Variants in MYT1L observed in about 807,000 individuals in gnomAD.
MYT1L encodes myelin transcription factor 1-like protein.
A neutral mutation model predicts 126.7 loss-of-function variants in MYT1L; 12 were observed. The observed-to-expected ratio is 0.09, with a 90% CI of 0.06 to 0.15. The LOEUF is 0.15. MYT1L is among the 10% of genes least tolerant of loss of function. The probability of loss-of-function intolerance (pLI) is 1.00; values close to 1 mark genes in which losing one functional copy is unlikely to be tolerated. For synonymous variants in MYT1L, 541 were observed against 604.2 expected, an observed-to-expected ratio of 0.90 and a Z score of 1.53; for missense variants, 979 against 1,585.2, an observed-to-expected ratio of 0.62 and a Z score of 6.49.
At chr2:1,909,514 T>C (rs2051583003) in intron 13 of MYT1L, among the ~76,000 whole-genome samples, 1 of 152,194 alleles carries the variant, frequency 6.6e-6, no homozygotes, top group Admixed American at 6.5e-5. Context: ...ATAGTTTTCA[T>C]GTAGATGAGG....
chr2:2,277,752 T>C (rs886281059), intron 2 of MYT1L, among the ~76,000 whole-genome samples: 3 of 151,946 alleles, frequency 2.0e-5, no homozygotes, highest in Admixed American at 6.6e-5. Context: ...ATTGTAATTA[T>C]AGAAAAAAAT....
intron 4 of MYT1L, among the ~76,000 whole-genome samples, chr2:2,051,716 A>T (rs2068848567): frequency 6.6e-5 from 10 of 152,210 alleles, no homozygotes; most frequent in Admixed American, 5.2e-4. Context: ...TTCTTATGTA[A>T]TTGCTCATTA....
rs548630993 is a variant in MYT1L at position 2,251,695 on chromosome 2, A to G, written c.-421+32709T>C. On this transcript the variant is annotated intron_variant, in intron 2 of 24. Transcript: ENST00000647738. ...CTAGTTGACAGTTGATGCAATGACA[A>G]TAGATCTATTACAGGATCTGAAAGC... 6.6e-5 allele frequency among the ~76,000 whole-genome samples: 10 copies of G among 152,310 alleles called. No individual in the cohort carries two copies. The South Asian group carries it at 8.3e-4, about 13-fold the overall frequency.
intron 19 of MYT1L, among the ~76,000 whole-genome samples, chr2:1,847,921 C>T (rs550521885): frequency 6.6e-6 from 1 of 152,220 alleles, no homozygotes; most frequent in Non-Finnish European, 1.5e-5. Flanking sequence ...CAGGTACAAC[C>T]CCACCTTCTC....
intron 3 of MYT1L, among the ~76,000 whole-genome samples, chr2:2,054,439 C>G (rs1454331799): frequency 6.6e-6 from 1 of 150,684 alleles, no homozygotes; most frequent in Non-Finnish European, 1.5e-5. Context: ...GGAGATGAAA[C>G]ACTCAGAGGT....
chr2:2,143,654 GA>G (rs2148204402), intron 3 of MYT1L, among the ~76,000 whole-genome samples: 1 of 152,254 alleles, frequency 6.6e-6, no homozygotes, highest in Non-Finnish European at 1.5e-5. Flanking sequence ...TGTTAGAGGG[GA>G]CAGAAGGCTG....
chr2:2,068,787 T>G (rs1306464582), intron 3 of MYT1L, among the ~76,000 whole-genome samples: 7 of 142,196 alleles, frequency 4.9e-5, no homozygotes, highest in East Asian at 2.0e-4. Flanking sequence ...TTTTTTTTTT[T>G]TTTTTTTTTT....
intron 3 of MYT1L, among the ~76,000 whole-genome samples, chr2:2,130,964 T>A (rs551790271): frequency 1.3e-5 from 2 of 152,230 alleles, no homozygotes; most frequent in East Asian, 3.9e-4. Context: ...ATTTCCACAT[T>A]AACAATTCTA....
chr2:1,799,394 G>A (rs1419169677), intron 23 of MYT1L, among the ~76,000 whole-genome samples: 1 of 152,174 alleles, frequency 6.6e-6, no homozygotes, highest in Non-Finnish European at 1.5e-5. Flanking sequence ...AGATCCAGGC[G>A]GCATGACCTC....
chr2:2,287,806 G>A (rs2095544464), intron 1 of MYT1L, among the ~76,000 whole-genome samples: 1 of 152,198 alleles, frequency 6.6e-6, no homozygotes, highest in Admixed American at 6.5e-5. Context: ...CAGAAGAGAA[G>A]CACTTGCCTT....
At chr2:1,863,888 C>T (rs2045078370) in intron 18 of MYT1L, among the ~76,000 whole-genome samples, 1 of 152,208 alleles carries the variant, frequency 6.6e-6, no homozygotes, top group South Asian at 2.1e-4. Context: ...TTGGGACTCC[C>T]TCTCGGGAGG....
At chr2:2,298,275 C>T (rs866000127) in intron 1 of MYT1L, among the ~76,000 whole-genome samples, 6 of 152,202 alleles carry the variant, frequency 3.9e-5, no homozygotes, top group Non-Finnish European at 7.3e-5. Context: ...CACTCAGGAT[C>T]ATATCCCTTC....
rs1355453800 is a variant in MYT1L at position 2,123,365 on chromosome 2, A to G, written c.-304+49507T>C. On this transcript the variant is annotated intron_variant, in intron 3 of 24. Coordinates refer to ENST00000647738, the MANE Select transcript of MYT1L (RefSeq NM_001303052.2). ...ACAGGAGACTCTGCAAGTGTCATTA[A>G]GTTAAAGTCCGCAGATGGGAAGTGC... Among the ~76,000 whole-genome samples the G allele has an allele frequency of 2.0e-5, 3 of 152,178 alleles. No individual in the cohort carries two copies. The East Asian group carries it at 5.8e-4, about 29-fold the overall frequency.
chr2:2,242,978 C>T (rs1402205903), intron 2 of MYT1L, among the ~76,000 whole-genome samples: 3 of 152,056 alleles, frequency 2.0e-5, no homozygotes, highest in African/African-American at 7.2e-5. Flanking sequence ...ACAAGAGAGA[C>T]CAGCTCTCTA....
At chr2:1,915,664 G>A (rs1416612935) in intron 11 of MYT1L, among the ~76,000 whole-genome samples, 1 of 152,224 alleles carries the variant, frequency 6.6e-6, no homozygotes, top group Non-Finnish European at 1.5e-5. Context: ...CACATCGTGT[G>A]TTCAGACAGA....
chr2:1,826,706 G>T (rs2039401636), intron 21 of MYT1L, among the ~76,000 whole-genome samples: 2 of 152,170 alleles, frequency 1.3e-5, no homozygotes, highest in Non-Finnish European at 2.9e-5. Flanking sequence ...AAAGCGGAGG[G>T]CTCCCCTTGG....
At chr2:1,796,000 A>G (rs1414389571) in intron 23 of MYT1L, among the ~76,000 whole-genome samples, 1 of 152,214 alleles carries the variant, frequency 6.6e-6, no homozygotes, top group African/African-American at 2.4e-5. Flanking sequence ...AGCTAAGACT[A>G]AGCTAAGAAT....
At chr2:1,865,617 A>G (rs557695568) in intron 18 of MYT1L, among the ~76,000 whole-genome samples, 1 of 151,770 alleles carries the variant, frequency 6.6e-6, no homozygotes, top group East Asian at 1.9e-4. Flanking sequence ...CAGCTAGGCC[A>G]GGTTACAGAG....
At chr2:1,933,639 T>C (rs2149194704) in intron 9 of MYT1L, among the ~76,000 whole-genome samples, 1 of 152,248 alleles carries the variant, frequency 6.6e-6, no homozygotes, top group African/African-American at 2.4e-5. Context: ...AGCACACGTG[T>C]GTGCATGTTT....
Sources: gnomAD v4.1 joint callset for allele counts (sites outside exome capture counted in the v4.1 genomes callset) on GRCh38, gnomAD v4.1.1 for gene constraint, MANE v1.5 for transcripts, NCBI Gene and HGNC (gene_info 2026-07-23, HGNC 2026-07-21) for gene names.